Variants in ANKRD52 observed in about 807,000 individuals in gnomAD.
The protein encoded by ANKRD52 is ankyrin repeat domain 52.
A neutral mutation model predicts 116.0 loss-of-function variants in ANKRD52; 7 were observed. The observed-to-expected ratio is 0.06, with a 90% CI of 0.03 to 0.11. The LOEUF is 0.11. ANKRD52 is among the 10% of genes least tolerant of loss of function. ANKRD52 has a pLI of 1.00. For synonymous variants in ANKRD52, 528 were observed against 578.1 expected (o/e 0.91, Z 1.24); for missense variants, 839 against 1,408.6 (o/e 0.60, Z 6.47).
intron 20 of ANKRD52, 45 bp downstream of exon 20, chr12:56,247,448 C>T: frequency 1.3e-6 from 2 of 1,485,378 alleles, no homozygotes; most frequent in Non-Finnish European, 1.8e-6. Context: ...CATGCTCCCA[C>T]ACTGAGGCCC....
At chr12:56,251,363 G>C (rs529495687) in intron 15 of ANKRD52, among the ~76,000 whole-genome samples, 8 of 152,002 alleles carry the variant, frequency 5.3e-5, no homozygotes, top group Admixed American at 1.3e-4. Context: ...TCCTGCCTCG[G>C]CCTCCTGAGT....
At position 56,242,965 on chromosome 12, in the gene ANKRD52, C is replaced by A. The variant is rs1306578151; in HGVS notation, c.*177G>T. The A allele has an allele frequency of 5.2e-6, 5 of 954,572 alleles. No individual in the cohort carries two copies. Among genetic ancestry groups the A allele is most frequent in the Admixed American group, 2.9e-5 (1 of 34,158 alleles). The allele number at this position is 954,572 out of a possible 1,614,324, so 59.1% of individuals were successfully genotyped here. A position where few individuals can be genotyped will look rare whatever the true frequency, so the allele number is the denominator to read the frequency against. ...GGGTGCTCCCTGTCAGTCCCAGACCCCTGCCAGGCCAAGATGGTGTGGCAA... is the reference window on the plus strand; with the variant it reads ...GGGTGCTCCCTGTCAGTCCCAGACCACTGCCAGGCCAAGATGGTGTGGCAA... On this transcript the variant is annotated 3_prime_UTR_variant, in exon 28 of 28. Transcript: ENST00000267116. The surrounding 1 kb of genome is among the most constrained non-coding windows in gnomAD (Gnocchi z 4.3).
rs1872013561 is a variant in ANKRD52 at position 56,257,501 on chromosome 12, G to A, written c.112-140C>T. On this transcript the variant is annotated intron_variant, in intron 2 of 27. Coordinates refer to ENST00000267116, the MANE Select transcript of ANKRD52 (RefSeq NM_173595.4). Reference sequence around the variant, plus strand: ...TGCAGCGTCCTAAGTCCCGGTATTGGGAGTCAAAGGCAAGCACCTAGGGAG... The same window carrying A: ...TGCAGCGTCCTAAGTCCCGGTATTGAGAGTCAAAGGCAAGCACCTAGGGAG... 12 of 817,004 alleles carry A rather than the reference G, an allele frequency of 1.5e-5. No individual in the cohort carries two copies. The South Asian group carries it at 2.0e-4, about 14-fold the overall frequency. The allele number at this position is 817,004 out of a possible 1,614,324, so 50.6% of individuals were successfully genotyped here.
Position 56,245,414 on chromosome 12 carries a change from G to A in ANKRD52, c.2367C>T (p.Tyr789=). 1 of 1,612,792 alleles carries A rather than the reference G, an allele frequency of 6.2e-7. No individual in the cohort carries two copies. Among genetic ancestry groups the A allele is most frequent in the Non-Finnish European group, 8.5e-7 (1 of 1,179,486 alleles). The change falls in exon 21 of 28, where the codon TAC becomes TAT. Residue 789 remains tyrosine, a synonymous_variant. Coordinates refer to ENST00000267116, the MANE Select transcript of ANKRD52 (RefSeq NM_173595.4). The part of the protein sequence containing the change: ...STDPLDAGVD[Y]SGYSPMHWAS... Reference sequence around the variant, plus strand: ...CCCAGTGCATGGGCGAGTATCCGCTGTAATCCACCCCGGCATCCAGGGGAT... The same window carrying A: ...CCCAGTGCATGGGCGAGTATCCGCTATAATCCACCCCGGCATCCAGGGGAT...
At position 56,242,985 on chromosome 12, in the gene ANKRD52, T is replaced by G. The variant is rs1871229604; in HGVS notation, c.*157A>C. ...AGACCCCTGCCAGGCCAAGATGGTG[T>G]GGCAAAGGGGTGAGCAGCTGCTCCC... On this transcript the variant is annotated 3_prime_UTR_variant, in exon 28 of 28. Transcript: ENST00000267116. The surrounding 1 kb of genome is among the most constrained non-coding windows in gnomAD (Gnocchi z 4.3). The G allele has an allele frequency of 9.0e-7, 1 of 1,107,644 alleles. No homozygotes were observed. The allele number at this position is 1,107,644 out of a possible 1,614,324, so 68.6% of individuals were successfully genotyped here. A position where few individuals can be genotyped will look rare whatever the true frequency, so the allele number is the denominator to read the frequency against.
chr12:56,247,894 G>A, intron 18 of ANKRD52, 120 bp from the exon 19 acceptor site: 2 of 1,365,458 alleles, frequency 1.5e-6, no homozygotes, highest in African/African-American at 1.4e-5. Flanking sequence ...AATCTCTGAG[G>A]ATAGGAAGCT....
Position 56,244,728 on chromosome 12 carries a change from A to G in ANKRD52, c.2646T>C (p.Ala882=). ...SGLRMLLQHQ[A]EVNATDHTGR... is the part of the protein sequence containing the mutation. ...CAGTGTGGTCAGTGGCGTTCACCTC[A>G]GCTTGATGCTGCAGCAGCATCCGGA... The change falls in exon 24 of 28, where the codon GCT becomes GCC. Residue 882 remains alanine, a synonymous_variant. Coordinates refer to ENST00000267116, the MANE Select transcript of ANKRD52 (RefSeq NM_173595.4). This position sits in a 1 kb window ranked among gnomAD's most constrained non-coding sequence, Gnocchi z 4.9. 1 of 1,613,868 alleles carries G rather than the reference A, an allele frequency of 6.2e-7. No homozygotes were observed. The highest frequency in any genetic ancestry group is 8.5e-7 in the Non-Finnish European group (1 of 1,179,896).
chr12:56,255,054 T>A lies in ANKRD52; in HGVS notation c.463-102A>T, dbSNP rs1045595124. 4.8e-6 allele frequency: 6 copies of A among 1,257,474 alleles called. No individual in the cohort carries two copies. The Admixed American group carries it at 9.9e-5, about 21-fold the overall frequency. The allele number at this position is 1,257,474 out of a possible 1,614,324, so 77.9% of individuals were successfully genotyped here. ...TCCTGAAAAGGCTGAGGCAGCCTAA[T>A]GCCTTTTTCCATGAGCAAAACAACC... On this transcript the variant is annotated intron_variant, in intron 5 of 27. Coordinates refer to ENST00000267116, the MANE Select transcript of ANKRD52 (RefSeq NM_173595.4). This position sits in a 1 kb window ranked among gnomAD's most constrained non-coding sequence, Gnocchi z 4.3.
In ANKRD52 at chr12:56,254,749, A is replaced by G; in HGVS notation, c.551-29T>C. On this transcript the variant is annotated intron_variant, in intron 6 of 27. Transcript: ENST00000267116. The surrounding 1 kb of genome is among the most constrained non-coding windows in gnomAD (Gnocchi z 4.6). The stretch of plus-strand genomic sequence containing the variant: ...AGAAAAGAGAAGACACTCTAAAGGA[A>G]GTAGAAGGTAAACTCTAAGACCCTA... 2 of 1,601,356 alleles carry G rather than the reference A, an allele frequency of 1.2e-6. No homozygotes were observed. Among genetic ancestry groups the G allele is most frequent in the Non-Finnish European group, 1.7e-6 (2 of 1,169,816 alleles).
At chr12:56,257,670 C>T (rs1872022971) in intron 2 of ANKRD52, among the ~76,000 whole-genome samples, 158 bp downstream of exon 2, 1 of 152,088 alleles carries the variant, frequency 6.6e-6, no homozygotes, top group African/African-American at 2.4e-5. Context: ...CTGACCTGCT[C>T]TCCATCCCCA....
Position 56,253,724 on chromosome 12 carries a change from T to C in ANKRD52, c.983A>G (p.Asn328Ser). 2 of 1,613,724 alleles carry C rather than the reference T, an allele frequency of 1.2e-6. No individual in the cohort carries two copies. Among genetic ancestry groups the C allele is most frequent in the South Asian group, 1.1e-5 (1 of 91,084 alleles). ...CACAAAGTCTCCCAGGTCCATACCA[T>C]TCTGGATGAGGATCTGGGAGCGTGT... ...RFTRSQILIQNGSEIDCADKF... is the reference protein window; with the variant it reads ...RFTRSQILIQSGSEIDCADKF... Residue 328 changes from asparagine (N) to serine (S), a missense_variant and splice_region_variant, in exon 9 of 28, where the codon AAT becomes AGT. Asn to Ser is a conservative substitution (Grantham distance 46). Around this residue, in one of 2 missense-constraint regions of ANKRD52, gnomAD observed 287 missense variants for 598.1 expected, o/e 0.48. Coordinates refer to ENST00000267116, the MANE Select transcript of ANKRD52 (RefSeq NM_173595.4). The surrounding 1 kb of genome is among the most constrained non-coding windows in gnomAD (Gnocchi z 5.5).
chr12:56,251,537 C>T (rs572179771), intron 15 of ANKRD52, among the ~76,000 whole-genome samples: 2 of 152,286 alleles, frequency 1.3e-5, no homozygotes, highest in East Asian at 1.9e-4. Context: ...TGAGCCACTA[C>T]GCCCAGCCTC....
Position 56,253,985 on chromosome 12 carries a change from C to T in ANKRD52, c.906+82G>A. On this transcript the variant is annotated intron_variant, in intron 8 of 27. Coordinates refer to ENST00000267116, the MANE Select transcript of ANKRD52 (RefSeq NM_173595.4). The surrounding 1 kb of genome is among the most constrained non-coding windows in gnomAD (Gnocchi z 5.5). ...CCTAGGAAGCAAGTGGATAATTCCC[C>T]AAGAGAGCTATCCAGATACAGTCAG... 6.9e-7 allele frequency: 1 copy of T among 1,444,220 alleles called. No individual in the cohort carries two copies. The highest frequency in any genetic ancestry group is 9.6e-7 in the Non-Finnish European group (1 of 1,045,450). 89.5% of individuals were successfully genotyped at this position (1,444,220 alleles called of 1,614,324 possible). A position where few individuals can be genotyped will look rare whatever the true frequency, so the allele number is the denominator to read the frequency against.
chr12:56,245,424 C>G lies in ANKRD52; in HGVS notation c.2357G>C (p.Gly786Ala). ...GGGCGAGTATCCGCTGTAATCCACC[C>G]CGGCATCCAGGGGATCTGTGGAAAG... is the stretch of plus-strand genomic sequence containing the variant. ...AALSTDPLDA[G>A]VDYSGYSPMH... Residue 786 changes from glycine to alanine, a missense_variant, in exon 21 of 28, where the codon GGG becomes GCG. Physicochemically the swap from Gly to Ala is moderately conservative, Grantham distance 60 (BLOSUM62 0). Around this residue, in one of 2 missense-constraint regions of ANKRD52, gnomAD observed 552 missense variants for 810.6 expected, o/e 0.68. Transcript: ENST00000267116. 1 of 1,612,792 alleles carries G rather than the reference C, an allele frequency of 6.2e-7. No individual in the cohort carries two copies. Among genetic ancestry groups the G allele is most frequent in the South Asian group, 1.1e-5 (1 of 91,056 alleles).
At position 56,253,968 on chromosome 12, in the gene ANKRD52, G is replaced by A. The variant is rs1871821735; in HGVS notation, c.906+99C>T. 1 of 1,392,976 alleles carries A rather than the reference G, an allele frequency of 7.2e-7. No homozygotes were observed. Among genetic ancestry groups the A allele is most frequent in the African/African-American group, 1.4e-5 (1 of 70,002 alleles). 86.3% of individuals were successfully genotyped at this position (1,392,976 alleles called of 1,614,324 possible). On this transcript the variant is annotated intron_variant, in intron 8 of 27. Coordinates refer to ENST00000267116, the MANE Select transcript of ANKRD52 (RefSeq NM_173595.4). This position sits in a 1 kb window ranked among gnomAD's most constrained non-coding sequence, Gnocchi z 5.5. Reference sequence around the variant, plus strand: ...TGGCAAGGTCTGATTACCCTAGGAAGCAAGTGGATAATTCCCCAAGAGAGC... The same window carrying A: ...TGGCAAGGTCTGATTACCCTAGGAAACAAGTGGATAATTCCCCAAGAGAGC...
At position 56,250,835 on chromosome 12, in the gene ANKRD52, G is replaced by A. The variant is rs984907113; in HGVS notation, c.1592+1180C>T. On this transcript the variant is annotated intron_variant, in intron 15 of 27. Coordinates refer to ENST00000267116, the MANE Select transcript of ANKRD52 (RefSeq NM_173595.4). Reference sequence around the variant, plus strand: ...TTCCCGTCATTAACATCTTACATTAGTATGCATAAGTGTCCTTTTATTTAT... The same window carrying A: ...TTCCCGTCATTAACATCTTACATTAATATGCATAAGTGTCCTTTTATTTAT... Among the ~76,000 whole-genome samples, 148 of 151,322 alleles carry A rather than the reference G, an allele frequency of 9.8e-4. 1 individual carries two copies. Among genetic ancestry groups the A allele is most frequent in the Non-Finnish European group, 7.4e-5 (5 of 67,942 alleles).
chr12:56,250,027 A>T (rs1375877351), intron 15 of ANKRD52, among the ~76,000 whole-genome samples: 2 of 150,804 alleles, frequency 1.3e-5, no homozygotes, highest in Non-Finnish European at 3.0e-5. Context: ...ACAGAGTGAG[A>T]CTCGGTCTTC....
chr12:56,251,436 G>T (rs1407272068), intron 15 of ANKRD52, among the ~76,000 whole-genome samples: 1 of 151,954 alleles, frequency 6.6e-6, no homozygotes, highest in Non-Finnish European at 1.5e-5. Flanking sequence ...AGTAGAGACG[G>T]GGTTTCACCA....
Position 56,243,408 on chromosome 12 carries a change from G to C in ANKRD52, c.2981-16C>G. 6.2e-7 allele frequency: 1 copy of C among 1,612,168 alleles called. No homozygotes were observed. The highest frequency in any genetic ancestry group is 8.5e-7 in the Non-Finnish European group (1 of 1,179,070). ...GGGGTGTGACCTGCAGGGCCAAGGG[G>C]GAGAACTGAGGCATAGAGTCCTGTA... On this transcript the variant is annotated splice_polypyrimidine_tract_variant and intron_variant, in intron 27 of 27. Transcript: ENST00000267116. This position sits in a 1 kb window ranked among gnomAD's most constrained non-coding sequence, Gnocchi z 4.6.
Sources: gnomAD v4.1 joint callset for allele counts (sites outside exome capture counted in the v4.1 genomes callset) on GRCh38, gnomAD v4.1.1 for gene constraint, gnomAD v4.1.1 regional missense constraint, Gnocchi (gnomAD v3.1) non-coding constraint, MANE v1.5 for transcripts, NCBI Gene and HGNC (gene_info 2026-07-23, HGNC 2026-07-21) for gene names.